The following PCDHA9 variants were observed in gnomAD, a reference collection of about 807,000 sequenced individuals.
PCDHA9 encodes the protein protocadherin alpha-9.
A neutral mutation model predicts 62.0 loss-of-function variants in PCDHA9; 62 were observed. That is an observed-to-expected ratio of 1.00 (90% CI 0.81 to 1.23). PCDHA9 has a LOEUF of 1.23. Ranked by LOEUF, PCDHA9 falls within the 50% of genes most tolerant of loss-of-function variation. The pLI is 0.00. For synonymous variants in PCDHA9, 557 were observed against 567.6 expected (o/e 0.98, Z 0.27); for missense variants, 1,205 against 1,249.8 (o/e 0.96, Z 0.54).
At chr5:140,884,422 T>C (rs1470374467) in intron 1 of PCDHA9, 15 of 1,613,860 alleles carry the variant, frequency 9.3e-6, no homozygotes, top group Middle Eastern at 1.6e-4. Context: ...TGCTGCTGTA[T>C]ACTGCGCTGC....
chr5:140,906,076 C>T (rs541119722), intron 1 of PCDHA9, among the ~76,000 whole-genome samples: 2 of 152,326 alleles, frequency 1.3e-5, no homozygotes, highest in African/African-American at 4.8e-5. Context: ...AGATCGCACC[C>T]ACCCAGACTG....
rs200121350 is a variant in PCDHA9 at position 140,876,941 on chromosome 5, T to C, written c.2394+26052T>C. The C allele has an allele frequency of 7.9e-5, 128 of 1,613,666 alleles. No individual in the cohort carries two copies. The Middle Eastern group carries it at 1.4e-3, about 17-fold the overall frequency. ...GCGGACGCGCAGAAGAACGCGCTGGTGTCCTACTCGCTGGTGGAGCGGCGG... is the reference window on the plus strand; with the variant it reads ...GCGGACGCGCAGAAGAACGCGCTGGCGTCCTACTCGCTGGTGGAGCGGCGG... On this transcript the variant is annotated intron_variant, in intron 1 of 3. Coordinates refer to ENST00000532602, the MANE Select transcript of PCDHA9 (RefSeq NM_031857.2).
intron 1 of PCDHA9, among the ~76,000 whole-genome samples, chr5:140,934,446 A>G (rs527371307): frequency 2.0e-5 from 3 of 152,188 alleles, no homozygotes; most frequent in Non-Finnish European, 4.4e-5. Context: ...ATAGTGAAAA[A>G]TGCAAATAAT....
At chr5:140,951,047 A>T (rs2094543631) in intron 1 of PCDHA9, among the ~76,000 whole-genome samples, 1 of 151,878 alleles carries the variant, frequency 6.6e-6, no homozygotes, top group Non-Finnish European at 1.5e-5. Flanking sequence ...TTATATTTTT[A>T]TTGCTAAAAT....
intron 1 of PCDHA9, chr5:140,877,068 G>T: frequency 6.2e-7 from 1 of 1,613,122 alleles, no homozygotes; most frequent in African/African-American, 1.3e-5. Context: ...AGCTGCTGCA[G>T]TTCCAGGTGA....
intron 1 of PCDHA9, chr5:140,883,493 C>G: frequency 6.2e-7 from 1 of 1,614,174 alleles, no homozygotes; most frequent in Non-Finnish European, 8.5e-7. Flanking sequence ...CTCATTAGTG[C>G]TGGACAGCGC....
chr5:140,875,290 A>T (rs1321351883), intron 1 of PCDHA9: 20 of 1,396,906 alleles, frequency 1.4e-5, no homozygotes, highest in East Asian at 7.6e-5. Context: ...AAACAGGAAA[A>T]TTTTTTTCTC....
At chr5:140,927,381 A>G in intron 1 of PCDHA9, 2 of 1,614,102 alleles carry the variant, frequency 1.2e-6, no homozygotes, top group Non-Finnish European at 1.7e-6. Flanking sequence ...GCTACAGCCT[A>G]AGCCCCAGTC....
At chr5:140,852,280 G>T in intron 1 of PCDHA9, 1 of 510,402 alleles carries the variant, frequency 2.0e-6, no homozygotes, top group Non-Finnish European at 2.6e-6. Flanking sequence ...CATGTTTTTT[G>T]TCTTTTTATT....
intron 1 of PCDHA9, among the ~76,000 whole-genome samples, chr5:140,956,900 A>C (rs1004581720): frequency 6.6e-6 from 1 of 152,240 alleles, no homozygotes; most frequent in East Asian, 1.9e-4. Context: ...GAATATTCTT[A>C]AATGTATAAA....
intron 3 of PCDHA9, among the ~76,000 whole-genome samples, chr5:140,993,375 C>T (rs1238667698): frequency 1.3e-5 from 2 of 151,770 alleles, no homozygotes; most frequent in Non-Finnish European, 2.9e-5. Flanking sequence ...ACCTCCCAGC[C>T]GGGTCCCTGA....
intron 1 of PCDHA9, chr5:140,875,368 T>G (rs745982019): frequency 1.3e-5 from 19 of 1,449,988 alleles, no homozygotes; most frequent in Non-Finnish European, 1.7e-5. Context: ...TGGAAAAAAT[T>G]TACTAAATAT....
intron 1 of PCDHA9, among the ~76,000 whole-genome samples, chr5:140,944,243 A>C (rs1202248629): frequency 2.6e-5 from 4 of 152,208 alleles, no homozygotes; most frequent in Non-Finnish European, 2.9e-5. Context: ...GCTGGAGTGC[A>C]GTGATGTGAT....
intron 1 of PCDHA9, chr5:140,875,414 C>A: frequency 3.3e-6 from 5 of 1,508,510 alleles, no homozygotes; most frequent in Non-Finnish European, 4.4e-6. Flanking sequence ...CATAAAATAC[C>A]TCAGGCAAGC....
rs2150519656 is a variant in PCDHA9, at chr5:140,852,588, T to TA, written c.2394+1699_2394+1700insA. On this transcript the variant is annotated intron_variant, in intron 1 of 3. Transcript: ENST00000532602. ...ACTGTGCCAAGGCTTTTTTATTTTT[T>TA]TTTTTTGTCATTTTCTTTCAAAACT... is the stretch of plus-strand genomic sequence containing the variant. The TA allele has an allele frequency of 3.3e-3, 2,940 of 881,502 alleles. 187 individuals are homozygous for TA. In the African/African-American group the frequency reaches 0.044, roughly 13 times the overall value. The allele number at this position is 881,502 out of a possible 1,614,324, so 54.6% of individuals were successfully genotyped here.
intron 1 of PCDHA9, chr5:140,883,182 A>G (rs2059477264): frequency 6.2e-7 from 1 of 1,614,024 alleles, no homozygotes; most frequent in Non-Finnish European, 8.5e-7. Context: ...ATTAGGACAA[A>G]AGGCAAACTA....
intron 1 of PCDHA9, chr5:140,966,609 G>A: frequency 1.4e-6 from 1 of 702,876 alleles, no homozygotes; most frequent in Non-Finnish European, 2.1e-6. Flanking sequence ...CCTTGGGAGG[G>A]CCTACGGAGG....
At chr5:140,870,477 G>A (rs781992966) in intron 1 of PCDHA9, 2 of 1,614,238 alleles carry the variant, frequency 1.2e-6, no homozygotes, top group East Asian at 2.2e-5. Flanking sequence ...CACAGCCCGA[G>A]TACACCGTGT....
chr5:140,964,969 G>T (rs2095866914), intron 1 of PCDHA9, among the ~76,000 whole-genome samples: 1 of 152,190 alleles, frequency 6.6e-6, no homozygotes, highest in South Asian at 2.1e-4. Flanking sequence ...TGGAACGAAG[G>T]GATGTGCTAG....
Sources: allele counts gnomAD v4.1 joint callset (sites outside exome capture counted in the v4.1 genomes callset), GRCh38; gene constraint gnomAD v4.1.1; transcripts MANE v1.5; gene names NCBI Gene and HGNC (gene_info 2026-07-23, HGNC 2026-07-21).